Variants in NRXN3 observed in about 807,000 individuals in gnomAD.
The protein encoded by NRXN3 is neurexin III.
In NRXN3, 32 loss-of-function variants were observed where a neutral mutation model predicts 137.6. That is an observed-to-expected ratio of 0.23 (90% CI 0.18 to 0.31). The LOEUF (loss-of-function observed/expected upper bound fraction) is 0.31. Ranked by LOEUF, NRXN3 falls within the 10% of genes least tolerant of loss-of-function variation. The probability of loss-of-function intolerance (pLI) is 1.00; values close to 1 mark genes in which losing one functional copy is unlikely to be tolerated. For missense variants in NRXN3, 1,574 were observed against 2,062.5 expected (o/e 0.76, Z 4.59); for synonymous variants, 798 against 784.5 (o/e 1.02, Z -0.29).
chr14:78,227,297 G>A (rs979988819), intron 1 of NRXN3, among the ~76,000 whole-genome samples: 1 of 151,882 alleles, frequency 6.6e-6, no homozygotes, highest in Non-Finnish European at 1.5e-5. Flanking sequence ...GACCCTGAAC[G>A]AACCATGTTC....
chr14:78,655,349 A>T (rs1456236740), intron 6 of NRXN3, among the ~76,000 whole-genome samples: 1 of 152,240 alleles, frequency 6.6e-6, no homozygotes, highest in Non-Finnish European at 1.5e-5. Context: ...AAAATAGTTT[A>T]CAAATAGAAA....
intron 4 of NRXN3, among the ~76,000 whole-genome samples, chr14:78,639,255 A>G (rs2097594212): frequency 1.3e-5 from 2 of 152,186 alleles, no homozygotes; most frequent in South Asian, 4.1e-4. Context: ...ATACAGACTA[A>G]AGTACTGCAC....
Position 79,148,628 on chromosome 14 carries a change from TA to T in NRXN3, c.3262+160492del, listed in dbSNP as rs542554213. ...TTGTGGACATACTCAGCCTGCGAAT[TA>T]AAAACAGAACTGATTTTCTCATCTC... On this transcript the variant is annotated intron_variant, in intron 15 of 20. Coordinates refer to ENST00000335750, the MANE Select transcript of NRXN3 (RefSeq NM_001330195.2). Among the ~76,000 whole-genome samples, 7 of 152,286 alleles carry T rather than the reference TA, an allele frequency of 4.6e-5. No homozygotes were observed. The East Asian group carries it at 1.4e-3, about 30-fold the overall frequency.
intron 16 of NRXN3, among the ~76,000 whole-genome samples, chr14:79,577,676 TTGTGTTATTTATCTA>T (rs1362553155): frequency 6.6e-6 from 1 of 152,232 alleles, no homozygotes; most frequent in Non-Finnish European, 1.5e-5. Context: ...TGCAGAGATC[TTGTGTTATTTATCTA>T]TGTGTCTTCA....
chr14:79,243,718 A>G (rs953974135), intron 15 of NRXN3, among the ~76,000 whole-genome samples: 1 of 152,160 alleles, frequency 6.6e-6, no homozygotes, highest in Admixed American at 6.5e-5. Context: ...AGGCATTTGT[A>G]ACACAATGGT....
At chr14:78,716,263 A>G (rs894105247) in intron 8 of NRXN3, among the ~76,000 whole-genome samples, 2 of 152,218 alleles carry the variant, frequency 1.3e-5, no homozygotes, top group African/African-American at 2.4e-5. Context: ...TGCAGATTGC[A>G]GCTTGGTCTA....
At chr14:78,691,311 A>C (rs551251150) in intron 6 of NRXN3, among the ~76,000 whole-genome samples, 15 of 152,202 alleles carry the variant, frequency 9.9e-5, no homozygotes, top group Non-Finnish European at 2.1e-4. Flanking sequence ...CAAGGTTGTA[A>C]AAATTCTCTC....
At chr14:78,264,911 A>G (rs1001500290) in intron 2 of NRXN3, among the ~76,000 whole-genome samples, 2 of 152,102 alleles carry the variant, frequency 1.3e-5, no homozygotes, top group Non-Finnish European at 2.9e-5. Flanking sequence ...TGATGGTTGA[A>G]GGCTCTAGTG....
At chr14:78,374,848 G>A (rs2087532757) in intron 4 of NRXN3, among the ~76,000 whole-genome samples, 1 of 150,768 alleles carries the variant, frequency 6.6e-6, no homozygotes, top group Admixed American at 6.6e-5. Context: ...CAACTAGGAT[G>A]TGATATTTAA....
intron 8 of NRXN3, among the ~76,000 whole-genome samples, chr14:78,746,916 G>A (rs771287369): frequency 1.8e-4 from 27 of 152,226 alleles, no homozygotes; most frequent in Non-Finnish European, 3.5e-4. Flanking sequence ...AATTGTGAAA[G>A]CCAGATCTTG....
At chr14:78,325,702 A>G (rs2079992436) in intron 4 of NRXN3, among the ~76,000 whole-genome samples, 1 of 151,980 alleles carries the variant, frequency 6.6e-6, no homozygotes, top group Non-Finnish European at 1.5e-5. Flanking sequence ...GGGGATCTAG[A>G]TTCTTTCCCA....
At chr14:78,574,323 T>C (rs1166018367) in intron 4 of NRXN3, among the ~76,000 whole-genome samples, 2 of 152,208 alleles carry the variant, frequency 1.3e-5, no homozygotes, top group East Asian at 3.9e-4. Context: ...AGTAGAGGAC[T>C]AGCATCCTCC....
intron 16 of NRXN3, among the ~76,000 whole-genome samples, chr14:79,478,531 C>T (rs570592177): frequency 1.3e-5 from 2 of 152,032 alleles, no homozygotes; most frequent in South Asian, 2.1e-4. Context: ...GCCAGAGGAC[C>T]CAGCATCTAC....
At chr14:78,754,874 C>G (rs2098660676) in intron 8 of NRXN3, among the ~76,000 whole-genome samples, 1 of 151,126 alleles carries the variant, frequency 6.6e-6, no homozygotes, top group Non-Finnish European at 1.5e-5. Context: ...ACTGTGTTGC[C>G]CTGTATCCAC....
chr14:79,611,664 A>G (rs1222721645), intron 16 of NRXN3: 1 of 152,252 alleles, frequency 6.6e-6, no homozygotes, highest in Non-Finnish European at 1.5e-5. Context: ...GAAGTTGAGG[A>G]GGACGAGCAA....
intron 4 of NRXN3, among the ~76,000 whole-genome samples, chr14:78,346,648 C>G (rs2082773985): frequency 6.6e-6 from 1 of 152,190 alleles, no homozygotes; most frequent in South Asian, 2.1e-4. Flanking sequence ...AACACCCCAC[C>G]TTACCCAGGG....
intron 15 of NRXN3, among the ~76,000 whole-genome samples, chr14:79,307,803 TTCTC>T (rs138893694): frequency 2.0e-5 from 3 of 151,416 alleles, no homozygotes; most frequent in East Asian, 1.9e-4. Flanking sequence ...TTTATTTTTT[TTCTC>T]TCTCTCTCTC....
chr14:78,705,687 G>A (rs541966938), intron 6 of NRXN3, among the ~76,000 whole-genome samples: 1 of 152,318 alleles, frequency 6.6e-6, no homozygotes, highest in Non-Finnish European at 1.5e-5. Context: ...AAGAGGGACA[G>A]TTTGTGGAAC....
chr14:79,152,499 C>T lies in NRXN3; in HGVS notation c.3262+164358C>T, dbSNP rs147895054. Reference sequence around the variant, plus strand: ...CTCACACTGCTAATAAAGACATATCCAAAACTCGGTAATTTATAAAGGAAA... The same window carrying T: ...CTCACACTGCTAATAAAGACATATCTAAAACTCGGTAATTTATAAAGGAAA... On this transcript the variant is annotated intron_variant, in intron 15 of 20. Coordinates refer to ENST00000335750, the MANE Select transcript of NRXN3 (RefSeq NM_001330195.2). Among the ~76,000 whole-genome samples, 81 of 151,996 alleles carry T rather than the reference C, an allele frequency of 5.3e-4. 1 individual carries two copies. Among genetic ancestry groups the T allele is most frequent in the African/African-American group, 1.9e-3 (80 of 41,478 alleles).
Sources: allele counts gnomAD v4.1 joint callset (sites outside exome capture counted in the v4.1 genomes callset), GRCh38; gene constraint gnomAD v4.1.1; transcripts MANE v1.5; gene names NCBI Gene and HGNC (gene_info 2026-07-23, HGNC 2026-07-21).